The following AFTPH variants were observed in gnomAD, a reference collection of about 807,000 sequenced individuals.
The protein encoded by AFTPH is aftiphilin.
In AFTPH, 7 loss-of-function variants were observed where a neutral mutation model predicts 72.5. The ratio of observed to expected loss-of-function variants is 0.10; its 90% confidence interval spans 0.05 to 0.18. AFTPH has a LOEUF of 0.18. AFTPH is among the 10% of genes least tolerant of loss of function. The pLI is 1.00. For missense variants in AFTPH, 979 were observed against 1,060.5 expected (o/e 0.92, Z 1.07); for synonymous variants, 337 against 370.1 (o/e 0.91, Z 1.03).
intron 2 of AFTPH, among the ~76,000 whole-genome samples, chr2:64,558,039 C>G (rs1671493652): frequency 6.6e-6 from 1 of 152,138 alleles, no homozygotes; most frequent in Non-Finnish European, 1.5e-5. Context: ...TACTTGATAG[C>G]TTACTTAATA....
chr2:64,573,204 G>T, intron 6 of AFTPH, 136 bp downstream of exon 6: 1 of 691,328 alleles, frequency 1.4e-6, no homozygotes, highest in Non-Finnish European at 2.4e-6. Flanking sequence ...ACATGATTTT[G>T]ATTAATTAAC....
chr2:64,569,615 G>T lies in AFTPH; in HGVS notation c.2215-8G>T, dbSNP rs749324217. On this transcript the variant is annotated splice_polypyrimidine_tract_variant and splice_region_variant and intron_variant, in intron 4 of 8. Coordinates refer to ENST00000238856, the Ensembl canonical transcript of AFTPH. ...AATATATGTTCTTTCTGTCTAACGT[G>T]TGTGTAGCTCTTCACGGGCAATAAG... The T allele has an allele frequency of 1.7e-5, 27 of 1,613,242 alleles. No homozygotes were observed. Among genetic ancestry groups the T allele is most frequent in the Non-Finnish European group, 2.2e-5 (26 of 1,179,526 alleles).
chr2:64,586,780 C>CT (rs1296814624), intron 8 of AFTPH, among the ~76,000 whole-genome samples: 106 of 152,174 alleles, frequency 7.0e-4, no homozygotes, highest in African/African-American at 2.2e-3. Context: ...GGCTATGTGG[C>CT]TTTTTTTAAA....
intron 2 of AFTPH, among the ~76,000 whole-genome samples, chr2:64,556,773 T>C (rs1434488231): frequency 6.6e-6 from 1 of 152,236 alleles, no homozygotes; most frequent in Admixed American, 6.5e-5. Context: ...AATTCTCAGC[T>C]GTGGGTCCAG....
chr2:64,529,019 A>C (rs1423264805), intron 1 of AFTPH, among the ~76,000 whole-genome samples: 1 of 152,220 alleles, frequency 6.6e-6, no homozygotes, highest in Admixed American at 6.5e-5. Flanking sequence ...GGCATGAACC[A>C]AGATGGTAGC....
exon 2 of AFTPH, chr2:64,553,291 A>G (rs1205695450): frequency 1.2e-6 from 2 of 1,614,024 alleles, no homozygotes; most frequent in Non-Finnish European, 1.7e-6. Flanking sequence ...TGGCAGTCAC[A>G]TAGGACAGAT....
intron 1 of AFTPH, among the ~76,000 whole-genome samples, chr2:64,543,939 GA>G (rs552425687): frequency 1.3e-5 from 2 of 152,280 alleles, no homozygotes; most frequent in South Asian, 4.1e-4. Context: ...GATTAATACA[GA>G]ATCACCTTCA....
At chr2:64,579,426 A>G in intron 6 of AFTPH, 60 bp from the exon 7 acceptor site, 2 of 1,355,360 alleles carry the variant, frequency 1.5e-6, no homozygotes, top group Non-Finnish European at 2.0e-6. Flanking sequence ...TTTTTTAAGG[A>G]TTCTTTACGT....
At chr2:64,533,088 T>C (rs548574334) in intron 1 of AFTPH, among the ~76,000 whole-genome samples, 22 of 152,214 alleles carry the variant, frequency 1.4e-4, no homozygotes, top group African/African-American at 4.8e-4. Flanking sequence ...GAATAGGTAT[T>C]GATGTTTCTG....
chr2:64,554,085 AT>A (rs1472686913), intron 2 of AFTPH, among the ~76,000 whole-genome samples: 1 of 152,220 alleles, frequency 6.6e-6, no homozygotes. Context: ...AGGTTCACTT[AT>A]TGTAGTTGTA....
At chr2:64,549,041 G>A (rs1670853539) in intron 1 of AFTPH, among the ~76,000 whole-genome samples, 1 of 152,142 alleles carries the variant, frequency 6.6e-6, no homozygotes, top group African/African-American at 2.4e-5. Context: ...GCAGCTGTCT[G>A]AATGAACTTT....
At chr2:64,544,875 G>A (rs571505478) in intron 1 of AFTPH, among the ~76,000 whole-genome samples, 24 of 152,128 alleles carry the variant, frequency 1.6e-4, no homozygotes, top group Admixed American at 1.2e-3. Context: ...ATGCAGCAGC[G>A]CAAGTTCTCG....
chr2:64,589,953 G>C (rs955542065), intron 8 of AFTPH, among the ~76,000 whole-genome samples: 1 of 150,034 alleles, frequency 6.7e-6, no homozygotes, highest in South Asian at 2.2e-4. Context: ...ATGGGGGGGG[G>C]GGGGGGGTTT....
At chr2:64,575,657 A>G (rs961552930) in intron 6 of AFTPH, among the ~76,000 whole-genome samples, 99 of 152,034 alleles carry the variant, frequency 6.5e-4, no homozygotes, top group African/African-American at 2.1e-3. Context: ...ACATTTTCTA[A>G]AGAGTCTCTT....
chr2:64,581,204 A>T, intron 7 of AFTPH: 1 of 1,594,704 alleles, frequency 6.3e-7, no homozygotes, highest in Non-Finnish European at 8.5e-7. Context: ...TGGAGGTTCC[A>T]CTCTTCTGAA....
At chr2:64,543,286 A>C (rs1670370195) in intron 1 of AFTPH, among the ~76,000 whole-genome samples, 1 of 152,208 alleles carries the variant, frequency 6.6e-6, no homozygotes, top group African/African-American at 2.4e-5. Flanking sequence ...GTTCTTTGAC[A>C]GTTACATGTT....
At chr2:64,590,702 T>C (rs1673777740) in intron 8 of AFTPH, among the ~76,000 whole-genome samples, 1 of 152,256 alleles carries the variant, frequency 6.6e-6, no homozygotes, top group South Asian at 2.1e-4. Context: ...TCATCTGCTA[T>C]ATGCCTGATG....
At chr2:64,579,616 C>A in intron 7 of AFTPH, 70 bp downstream of exon 7, 1 of 1,343,780 alleles carries the variant, frequency 7.4e-7, no homozygotes. Flanking sequence ...AGACAAACTT[C>A]TCTCTGCTGA....
chr2:64,549,434 C>A (rs1349667104), intron 1 of AFTPH, among the ~76,000 whole-genome samples: 1 of 147,404 alleles, frequency 6.8e-6, no homozygotes, highest in South Asian at 2.1e-4. Context: ...GATTCTCCTG[C>A]CTCAGCTTCC....
Sources: allele counts gnomAD v4.1 joint callset (sites outside exome capture counted in the v4.1 genomes callset), GRCh38; gene constraint gnomAD v4.1.1; transcripts MANE v1.5; gene names NCBI Gene and HGNC (gene_info 2026-07-23, HGNC 2026-07-21).